Variants in C10orf67 observed in about 807,000 individuals in gnomAD.
C10orf67 encodes the protein uncharacterized protein C10orf67, mitochondrial.
A neutral mutation model predicts 35.6 loss-of-function variants in C10orf67; 60 were observed. The ratio of observed to expected loss-of-function variants is 1.68; its 90% CI spans 1.37 to 2.09. C10orf67 has a LOEUF of 2.09. Ranked by LOEUF, C10orf67 falls within the 30% of genes most tolerant of loss-of-function variation. C10orf67 has a pLI of 0.00. For synonymous variants in C10orf67, 167 were observed against 115.8 expected (o/e 1.44, Z -2.84); for missense variants, 474 against 330.2 (o/e 1.44, Z -3.38).
intron 15 of C10orf67, among the ~76,000 whole-genome samples, chr10:23,212,673 G>C (rs1841337633): frequency 6.6e-6 from 1 of 152,006 alleles, no homozygotes; most frequent in South Asian, 2.1e-4. Flanking sequence ...GACCCTTCAT[G>C]TCACAGCAAA....
chr10:23,236,915 G>T (rs1423194560), intron 13 of C10orf67, among the ~76,000 whole-genome samples: 1 of 152,090 alleles, frequency 6.6e-6, no homozygotes, highest in Non-Finnish European at 1.5e-5. Flanking sequence ...TTAGGTTTAG[G>T]GGGTACATGG....
intron 13 of C10orf67, among the ~76,000 whole-genome samples, chr10:23,228,948 C>T (rs1030463400): frequency 2.6e-5 from 4 of 152,064 alleles, no homozygotes; most frequent in South Asian, 2.1e-4. Flanking sequence ...GTGCTGGAGA[C>T]GATGAGGTGA....
Position 23,258,381 on chromosome 10 carries a change from C to T in C10orf67, c.1201-7690G>A, listed in dbSNP as rs145464527. ...TCACCACTGTGCTGTTTCTGATTGG[C>T]ACCTTTCTATTATCATAGGCTCCCT... On this transcript the variant is annotated intron_variant, in intron 10 of 15. Coordinates refer to ENST00000636213, the MANE Select transcript of C10orf67 (RefSeq NM_001371909.1). 4.1e-5 allele frequency: 7 copies of T among 169,510 alleles called. No homozygotes were observed. In the South Asian group the frequency reaches 5.1e-4, roughly 12 times the overall value. The allele number at this position is 169,510 out of a possible 1,614,324, so 10.5% of individuals were successfully genotyped here. A position where few individuals can be genotyped will look rare whatever the true frequency, so the allele number is the denominator to read the frequency against.
intron 5 of C10orf67, among the ~76,000 whole-genome samples, chr10:23,301,709 G>A (rs188601530): frequency 6.6e-6 from 1 of 152,278 alleles, no homozygotes; most frequent in East Asian, 1.9e-4. Context: ...CTTCCAAGAT[G>A]GTGACAATCC....
chr10:23,314,123 G>T (rs1055449263), intron 4 of C10orf67, among the ~76,000 whole-genome samples: 8 of 152,138 alleles, frequency 5.3e-5, no homozygotes, highest in Admixed American at 3.3e-4. Context: ...GGGAGGCAGA[G>T]GTTGCAGTGA....
At chr10:23,205,967 A>T (rs1841148952) in intron 15 of C10orf67, among the ~76,000 whole-genome samples, 1 of 152,260 alleles carries the variant, frequency 6.6e-6, no homozygotes, top group African/African-American at 2.4e-5. Context: ...TTCTTTTCTA[A>T]CAATGTGCAT....
chr10:23,344,488 C>A, intron 1 of C10orf67, 81 bp downstream of exon 1: 3 of 1,321,096 alleles, frequency 2.3e-6, no homozygotes, highest in African/African-American at 1.5e-5. Flanking sequence ...GCTGCACCCC[C>A]GTAAATAACC....
At chr10:23,303,555 A>G (rs1844170203) in intron 4 of C10orf67, 96 bp from the exon 5 acceptor site, 1 of 440,094 alleles carries the variant, frequency 2.3e-6, no homozygotes, top group Non-Finnish European at 4.1e-6. Flanking sequence ...AAAATTAGAC[A>G]CCACCAGAAA....
At chr10:23,280,981 G>A (rs558896331) in intron 8 of C10orf67, among the ~76,000 whole-genome samples, 1 of 152,274 alleles carries the variant, frequency 6.6e-6, no homozygotes, top group Non-Finnish European at 1.5e-5. Flanking sequence ...AGAGGAGAGT[G>A]GGGGTGGGGG....
chr10:23,344,649 G>C lies in C10orf67; in HGVS notation c.126C>G (p.Ala42=), dbSNP rs2132435570. ...GTRWEAMKAK[A]TELRVCCARR... ...GCGCGCAGCAGACCCGCAGCTCGGT[G>C]GCCTTGGCTTTCATGGCCTCCCAGC... The change falls in exon 1 of 16, where the codon GCC becomes GCG. Residue 42 remains alanine, a synonymous_variant. Transcript: ENST00000636213. The C allele has an allele frequency of 1.3e-6, 2 of 1,581,006 alleles. No homozygotes were observed. Among genetic ancestry groups the C allele is most frequent in the East Asian group, 4.7e-5 (2 of 42,908 alleles).
intron 10 of C10orf67, among the ~76,000 whole-genome samples, chr10:23,263,806 T>C (rs929420899): frequency 6.6e-6 from 1 of 152,226 alleles, no homozygotes; most frequent in African/African-American, 2.4e-5. Flanking sequence ...GTGTTTGAAA[T>C]GTTTTGCACA....
intron 2 of C10orf67, 140 bp from the exon 3 acceptor site, chr10:23,322,677 C>A: frequency 1.7e-6 from 1 of 585,496 alleles, no homozygotes; most frequent in Non-Finnish European, 3.0e-6. Flanking sequence ...CTGGGGCCTA[C>A]TTACGGTGGT....
At chr10:23,300,596 C>G (rs1844041940) in intron 5 of C10orf67, among the ~76,000 whole-genome samples, 1 of 152,180 alleles carries the variant, frequency 6.6e-6, no homozygotes. Context: ...AGGTATGCTT[C>G]CTCAATGCCT....
intron 1 of C10orf67, chr10:23,344,038 C>T: frequency 5.3e-6 from 2 of 378,202 alleles, no homozygotes; most frequent in South Asian, 3.9e-5. Flanking sequence ...GAGCCGCTCG[C>T]TCTCCTGAGT....
At chr10:23,226,021 A>G (rs1204579622) in intron 13 of C10orf67, among the ~76,000 whole-genome samples, 1 of 152,166 alleles carries the variant, frequency 6.6e-6, no homozygotes, top group East Asian at 1.9e-4. Context: ...TCAACATTAG[A>G]CAGATCAACG....
intron 13 of C10orf67, among the ~76,000 whole-genome samples, chr10:23,236,289 C>A: frequency 7.7e-6 from 1 of 130,404 alleles, no homozygotes; most frequent in Non-Finnish European, 1.5e-5. Flanking sequence ...AAAAATTAGC[C>A]AGGTGTGGTG....
At chr10:23,254,737 G>C (rs922028445) in intron 10 of C10orf67, among the ~76,000 whole-genome samples, 1 of 151,992 alleles carries the variant, frequency 6.6e-6, no homozygotes, top group African/African-American at 2.4e-5. Flanking sequence ...AACAGAAGAA[G>C]CAAATTATGT....
chr10:23,218,936 T>A (rs1841504909), intron 15 of C10orf67, among the ~76,000 whole-genome samples: 1 of 152,222 alleles, frequency 6.6e-6, no homozygotes, highest in African/African-American at 2.4e-5. Context: ...TGCCTGAAAC[T>A]TCTTTTTATC....
intron 13 of C10orf67, among the ~76,000 whole-genome samples, chr10:23,233,726 T>A (rs1021606802): frequency 6.6e-6 from 1 of 152,184 alleles, no homozygotes; most frequent in African/African-American, 2.4e-5. Context: ...GAGACGAAGT[T>A]CAGGGAACAA....
Sources: allele counts gnomAD v4.1 joint callset (sites outside exome capture counted in the v4.1 genomes callset), GRCh38; gene constraint gnomAD v4.1.1; transcripts MANE v1.5; gene names NCBI Gene and HGNC (gene_info 2026-07-23, HGNC 2026-07-21).